ARMCX4: variants seen among roughly 807,000 people sequenced by gnomAD.
ARMCX4 encodes armadillo repeat-containing X-linked protein 4.
ARMCX4 carries 3 observed loss-of-function variants against 34.7 expected under a neutral mutation model. The observed-to-expected ratio is 0.09, with a 90% CI of 0.04 to 0.22. ARMCX4 has a LOEUF of 0.22. Ranked by LOEUF, ARMCX4 falls within the 10% of genes least tolerant of loss-of-function variation. ARMCX4 has a pLI of 1.00. For synonymous variants in ARMCX4, 513 were observed against 632.8 expected (o/e 0.81, Z 2.84); for missense variants, 1,448 against 1,720.8 (o/e 0.84, Z 2.81).
Position 101,495,431 on chromosome X carries a change from A to C in ARMCX4, c.6842A>C (p.Glu2281Ala). Reference protein sequence around the residue: ...AAECNDPEVKERVELLISKL With the variant: ...AAECNDPEVKARVELLISKL ...GAATGCAATGACCCTGAGGTGAAAG[A>C]GAGAGTTGAGCTATTAATAAGTAAA... is the stretch of plus-strand genomic sequence containing the variant. The change falls in exon 6 of 6, where the codon GAG (glutamate) becomes GCG (alanine). Residue 2281 changes from glutamate to alanine, a missense_variant. By Grantham distance (107) the Glu-to-Ala change is moderately radical (BLOSUM62 -1). Coordinates refer to ENST00000423738, the MANE Select transcript of ARMCX4 (RefSeq NM_001256155.3). 9.0e-7 allele frequency: 1 copy of C among 1,116,426 alleles called. No individual in the cohort carries two copies. 92.0% of individuals were successfully genotyped at this position (1,116,426 alleles called of 1,213,427 possible). A position where few individuals can be genotyped will look rare whatever the true frequency, so the allele number is the denominator to read the frequency against.
At position 101,506,560 on chromosome X, in the gene ARMCX4, C is replaced by T. The variant is rs1042828602; in HGVS notation, c.*1596+1205C>T. Among the ~76,000 whole-genome samples the T allele has an allele frequency of 1.2e-4, 13 of 111,177 alleles. No individual in the cohort carries two copies. In the Admixed American group the frequency reaches 1.2e-3, roughly 11 times the overall value. The stretch of plus-strand genomic sequence containing the variant: ...GAGAGAGAGACACTTTCTGATGTCT[C>T]TTCTTATAAGGATACTAATCCTACA... On this transcript the variant is annotated intron_variant and NMD_transcript_variant, in intron 8 of 12. Coordinates refer to the ARMCX4 transcript ENST00000354842.
intron 4 of ARMCX4, among the ~76,000 whole-genome samples, chrX:101,468,185 GA>G (rs201507483): frequency 4.4e-4 from 46 of 104,644 alleles, no homozygotes; most frequent in East Asian, 1.5e-3. Flanking sequence ...GTATCCATAT[GA>G]AAAAAAAAAA....
chrX:101,448,641 G>T (rs1931789244), downstream of ARMCX4, among the ~76,000 whole-genome samples: 1 of 111,696 alleles, frequency 9.0e-6, no homozygotes, highest in South Asian at 3.7e-4. Context: ...TGCCCAAGCT[G>T]GAGTGCAGTG....
At chrX:101,473,671 A>G (rs1403552444) in intron 4 of ARMCX4, among the ~76,000 whole-genome samples, 1 of 104,971 alleles carries the variant, frequency 9.5e-6, no homozygotes, top group Non-Finnish European at 2.0e-5. Context: ...AAACCGCTCA[A>G]CTACATGGAA....
chrX:101,483,145 C>T (rs1444166710), upstream of ARMCX4, among the ~76,000 whole-genome samples: 4 of 109,508 alleles, frequency 3.7e-5, no homozygotes, highest in African/African-American at 1.0e-4. Context: ...CCACCTGCTT[C>T]GGCCTCCCAA....
rs5951334 is a variant in ARMCX4, at chrX:101,491,396, C to T, written c.2807C>T (p.Ser936Phe). ...GTCAAGGGCAATTCCAATGCTATTT[C>T]TAAGGCAGAGGCTGGGGCAGGCATA... ...NKVKGNSNAI[S>F]KAEAGAGIMG... is the part of the protein sequence containing the mutation. Residue 936 changes from serine to phenylalanine, a missense_variant, in exon 6 of 6, where the codon TCT becomes TTT. Ser to Phe is a radical substitution (Grantham distance 155, BLOSUM62 -2). This residue lies in a region of ARMCX4 where 1,343 missense variants were observed against 1,540.7 expected (regional missense o/e 0.87). Coordinates refer to ENST00000423738, the MANE Select transcript of ARMCX4 (RefSeq NM_001256155.3). 8.6e-7 allele frequency: 1 copy of T among 1,156,614 alleles called. No homozygotes were observed.
At chrX:101,510,274 CG>C in intron 10 of ARMCX4, among the ~76,000 whole-genome samples, 1 of 112,006 alleles carries the variant, frequency 8.9e-6, no homozygotes, top group African/African-American at 3.2e-5. Flanking sequence ...CAATATATCA[CG>C]GAAGTCTTTC....
intron 2 of ARMCX4, among the ~76,000 whole-genome samples, chrX:101,428,280 A>G (rs886630282): frequency 2.7e-5 from 3 of 112,284 alleles, no homozygotes; most frequent in Non-Finnish European, 5.6e-5. Flanking sequence ...GTCAGATTAA[A>G]AAAGAGAGTA....
chrX:101,436,733 G>A, intron 2 of ARMCX4, among the ~76,000 whole-genome samples: 1 of 111,693 alleles, frequency 9.0e-6, no homozygotes, highest in Non-Finnish European at 1.9e-5. Context: ...AGTTTTCAAA[G>A]GGAATGCTTC....
chrX:101,514,718 T>C (rs1206730907), intron 11 of ARMCX4, among the ~76,000 whole-genome samples: 2 of 111,800 alleles, frequency 1.8e-5, no homozygotes, highest in Non-Finnish European at 3.8e-5. Context: ...ATGATGGTAG[T>C]GGTCCAACAT....
At chrX:101,483,475 A>G (rs782143045), upstream of ARMCX4, among the ~76,000 whole-genome samples, 2 of 111,980 alleles carry the variant, frequency 1.8e-5, no homozygotes, top group African/African-American at 6.5e-5. Flanking sequence ...TGAGAAAATC[A>G]TACTTGAAAC....
chrX:101,503,539 G>A (rs1213734192), intron 7 of ARMCX4, among the ~76,000 whole-genome samples: 2 of 111,954 alleles, frequency 1.8e-5, no homozygotes, highest in South Asian at 3.7e-4. Flanking sequence ...ATGGCCAGTG[G>A]TGATGAGCAT....
At chrX:101,530,286 A>G (rs1556021807) in intron 11 of ARMCX4, among the ~76,000 whole-genome samples, 1 of 111,514 alleles carries the variant, frequency 9.0e-6, no homozygotes, top group Non-Finnish European at 1.9e-5. Flanking sequence ...TTGAACAATG[A>G]GAACACTTGG....
intron 4 of ARMCX4, among the ~76,000 whole-genome samples, chrX:101,462,489 A>G (rs1556001354): frequency 1.8e-5 from 2 of 108,896 alleles, no homozygotes; most frequent in Non-Finnish European, 1.9e-5. Flanking sequence ...AAAATACAAA[A>G]ATTAGCTGGG....
In ARMCX4 at chrX:101,493,501, A is replaced by C. The variant is rs1556010391; in HGVS notation, c.4912A>C (p.Thr1638Pro). The stretch of plus-strand genomic sequence containing the variant: ...GTCCAGTGGTGGGTCCTGGGCTGGC[A>C]CTGGGAATCAGTCCAGTGGAAGGTC... ...DQSSGGSWAG[T>P]GNQSSGRSWI... is the part of the protein sequence containing the mutation. The change falls in exon 6 of 6, where the codon ACT (threonine) becomes CCT (proline). Residue 1638 changes from threonine (T) to proline (P), a missense_variant. By Grantham distance (38) the Thr-to-Pro change is conservative. Around this residue, in one of 2 missense-constraint regions of ARMCX4, gnomAD observed 1,343 missense variants for 1,540.7 expected, o/e 0.87. Transcript: ENST00000423738. 1 of 1,154,693 alleles carries C rather than the reference A, an allele frequency of 8.7e-7. No individual in the cohort carries two copies. The highest frequency in any genetic ancestry group is 2.6e-5 in the Admixed American group (1 of 38,686).
At position 101,494,517 on chromosome X, in the gene ARMCX4, C is replaced by T. The variant is rs1934130855; in HGVS notation, c.5928C>T (p.Gly1976=). ...AKAKKSSESR[G]IYPYMVPGAG... ...CCAAAAAGTCATCTGAGTCAAGAGG[C>T]ATATATCCGTACATGGTCCCTGGGG... Residue 1976 remains glycine (G), a synonymous_variant, in exon 6 of 6, where the codon GGC becomes GGT. Coordinates refer to ENST00000423738, the MANE Select transcript of ARMCX4 (RefSeq NM_001256155.3). 8.7e-7 allele frequency: 1 copy of T among 1,153,335 alleles called. No homozygotes were observed. The highest frequency in any genetic ancestry group is 1.1e-6 in the Non-Finnish European group (1 of 872,272).
At chrX:101,506,715 C>T (rs2064965731) in intron 8 of ARMCX4, among the ~76,000 whole-genome samples, 1 of 111,009 alleles carries the variant, frequency 9.0e-6, no homozygotes, top group Non-Finnish European at 1.9e-5. Flanking sequence ...ACCATTCAGT[C>T]CATAATGGTT....
In ARMCX4 at chrX:101,491,353, C is replaced by T; in HGVS notation, c.2764C>T (p.Pro922Ser). Residue 922 changes from proline (P) to serine (S), a missense_variant, in exon 6 of 6, where the codon CCT becomes TCT. Coordinates refer to ENST00000423738, the MANE Select transcript of ARMCX4 (RefSeq NM_001256155.3). The stretch of plus-strand genomic sequence containing the variant: ...GGCCAACTCCCAGCGTGAGACCTTG[C>T]CTGGTGCCAGGAATAAGGTCAAGGG... Reference protein sequence around the residue: ...VVANSQRETLPGARNKVKGNS... With the variant: ...VVANSQRETLSGARNKVKGNS... The T allele has an allele frequency of 8.6e-7, 1 of 1,156,802 alleles. No individual in the cohort carries two copies. The highest frequency in any genetic ancestry group is 1.1e-6 in the Non-Finnish European group (1 of 873,163).
At chrX:101,523,809 TG>T (rs1462810316) in intron 11 of ARMCX4, among the ~76,000 whole-genome samples, 1 of 112,482 alleles carries the variant, frequency 8.9e-6, no homozygotes, top group African/African-American at 3.2e-5. Context: ...GTAATAACTC[TG>T]TTTTTTTCTC....
Sources: gnomAD v4.1 joint callset for allele counts (sites outside exome capture counted in the v4.1 genomes callset) on GRCh38, gnomAD v4.1.1 for gene constraint, gnomAD v4.1.1 regional missense constraint, MANE v1.5 for transcripts, NCBI Gene and HGNC (gene_info 2026-07-23, HGNC 2026-07-21) for gene names.